The following DIAPH2 variants were observed in gnomAD, a reference collection of about 807,000 sequenced individuals.
The protein encoded by DIAPH2 is protein diaphanous homolog 2.
A neutral mutation model predicts 92.7 loss-of-function variants in DIAPH2; 35 were observed. The observed-to-expected ratio is 0.38, with a 90% CI of 0.29 to 0.50. DIAPH2 has a LOEUF of 0.50. DIAPH2 is among the 20% of genes least tolerant of loss of function. DIAPH2 has a pLI of 0.94. For missense variants in DIAPH2, 701 were observed against 819.5 expected, an observed-to-expected ratio of 0.86 and a Z score of 1.77; for synonymous variants, 301 against 280.4, an observed-to-expected ratio of 1.07 and a Z score of -0.73.
intron 22 of DIAPH2, among the ~76,000 whole-genome samples, chrX:97,172,172 A>G (rs1360059208): frequency 8.9e-6 from 1 of 112,010 alleles, no homozygotes; most frequent in African/African-American, 3.2e-5. Context: ...TTCTAGAATT[A>G]AGGAGTATTT....
intron 1 of DIAPH2, among the ~76,000 whole-genome samples, chrX:96,686,147 G>C (rs1378418539): frequency 8.9e-6 from 1 of 111,892 alleles, no homozygotes; most frequent in Non-Finnish European, 1.9e-5. Context: ...CAGATCCGAA[G>C]CACAAGCCAC....
chrX:97,583,564 C>G (rs996527366), intron 26 of DIAPH2, among the ~76,000 whole-genome samples: 6 of 112,370 alleles, frequency 5.3e-5, no homozygotes, highest in African/African-American at 1.9e-4. Flanking sequence ...GGGAGAACCA[C>G]TGCTTTCTTC....
intron 4 of DIAPH2, among the ~76,000 whole-genome samples, chrX:96,866,907 A>G: frequency 8.9e-6 from 1 of 112,360 alleles, no homozygotes; most frequent in Non-Finnish European, 1.9e-5. Context: ...AATGTGGACC[A>G]TGAAAAAGTA....
At chrX:97,195,070 G>A (rs1358776623) in intron 22 of DIAPH2, among the ~76,000 whole-genome samples, 1 of 111,790 alleles carries the variant, frequency 8.9e-6, no homozygotes, top group African/African-American at 3.2e-5. Flanking sequence ...GGATAGGGCT[G>A]GGCTTACTGA....
chrX:96,872,299 T>G (rs773809309), intron 4 of DIAPH2, among the ~76,000 whole-genome samples: 1 of 110,787 alleles, frequency 9.0e-6, no homozygotes, highest in South Asian at 3.9e-4. Flanking sequence ...TACTCTCTTA[T>G]CTCCATGAGT....
intron 17 of DIAPH2, among the ~76,000 whole-genome samples, chrX:97,031,151 T>C (rs1442317343): frequency 9.0e-6 from 1 of 110,925 alleles, no homozygotes; most frequent in Non-Finnish European, 1.9e-5. Context: ...GTGTGTTAGC[T>C]GAAGTCATAC....
In DIAPH2 at chrX:97,348,096, G is replaced by A. The variant is rs773632151; in HGVS notation, c.2845-20G>A. ...CCTTTAAAAGGTACTGTTGAGCCAT[G>A]TTCCTTAACAAAAAGCTACAGCTTT... On this transcript the variant is annotated intron_variant, in intron 23 of 26. Coordinates refer to ENST00000324765, the MANE Select transcript of DIAPH2 (RefSeq NM_006729.5). The A allele has an allele frequency of 1.4e-5, 17 of 1,206,273 alleles. No individual in the cohort carries two copies. Among genetic ancestry groups the A allele is most frequent in the Admixed American group, 4.4e-5 (2 of 45,478 alleles).
intron 4 of DIAPH2, among the ~76,000 whole-genome samples, chrX:96,875,853 G>T (rs1341407482): frequency 1.8e-5 from 2 of 111,350 alleles, no homozygotes; most frequent in Non-Finnish European, 3.8e-5. Context: ...ATAGGCATGG[G>T]CAAGGACTTC....
chrX:97,599,791 G>A lies in DIAPH2; in HGVS notation c.*474G>A, dbSNP rs907043530. 8.8e-6 allele frequency: 1 copy of A among 113,536 alleles called. No homozygotes were observed. Among genetic ancestry groups the A allele is most frequent in the African/African-American group, 3.2e-5 (1 of 30,934 alleles). 9.4% of individuals were successfully genotyped at this position (113,536 alleles called of 1,213,427 possible). ...AGAAAAATATGCATCTTGATTTGGAGAGAGGCTAATATTATGCACACTGTA... is the reference window on the plus strand; with the variant it reads ...AGAAAAATATGCATCTTGATTTGGAAAGAGGCTAATATTATGCACACTGTA... On this transcript the variant is annotated 3_prime_UTR_variant, in exon 27 of 27. Coordinates refer to ENST00000324765, the MANE Select transcript of DIAPH2 (RefSeq NM_006729.5).
At chrX:97,354,463 C>T (rs766448185) in intron 24 of DIAPH2, among the ~76,000 whole-genome samples, 14 of 111,387 alleles carry the variant, frequency 1.3e-4, no homozygotes, top group East Asian at 2.8e-4. Flanking sequence ...ACCTCCACCC[C>T]CTGGGTTCAA....
chrX:96,853,062 A>G (rs1357150849), intron 4 of DIAPH2, among the ~76,000 whole-genome samples: 1 of 111,597 alleles, frequency 9.0e-6, no homozygotes, highest in East Asian at 2.8e-4. Flanking sequence ...GATAATGAAA[A>G]TGGAGGAATC....
chrX:97,518,712 G>A (rs1043155476), intron 26 of DIAPH2, among the ~76,000 whole-genome samples: 10 of 110,876 alleles, frequency 9.0e-5, no homozygotes, highest in South Asian at 3.9e-4. Flanking sequence ...GTCCTTGAAT[G>A]AGCAGGGAAA....
At chrX:96,965,513 A>G (rs1160415426) in intron 17 of DIAPH2, among the ~76,000 whole-genome samples, 1 of 111,590 alleles carries the variant, frequency 9.0e-6, no homozygotes, top group Non-Finnish European at 1.9e-5. Context: ...AGCAGGGAAG[A>G]TGAATCCGTT....
At chrX:96,934,904 G>A (rs2065647153) in intron 10 of DIAPH2, among the ~76,000 whole-genome samples, 1 of 111,422 alleles carries the variant, frequency 9.0e-6, no homozygotes, top group Admixed American at 9.6e-5. Context: ...GGTAGGCAGT[G>A]GGCATACTTT....
At chrX:97,129,117 T>TTTTCTTTTCTTTTCTTTTCTTTTCTTTTC in intron 21 of DIAPH2, among the ~76,000 whole-genome samples, 3 of 80,142 alleles carry the variant, frequency 3.7e-5, no homozygotes, top group African/African-American at 1.7e-4. Context: ...TTTTCTTTTC[T>TTTTCTTTTCTTTTCTTTTCTTTTCTTTTC]TTTCTTTTCT....
chrX:97,232,087 C>T (rs2068013500), intron 22 of DIAPH2, among the ~76,000 whole-genome samples: 1 of 111,200 alleles, frequency 9.0e-6, no homozygotes, highest in African/African-American at 3.3e-5. Flanking sequence ...AAACATCAGA[C>T]TTTGTCATCA....
At chrX:96,923,651 G>A (rs2065561454) in intron 9 of DIAPH2, among the ~76,000 whole-genome samples, 1 of 111,283 alleles carries the variant, frequency 9.0e-6, no homozygotes, top group Non-Finnish European at 1.9e-5. Flanking sequence ...TTCCAGAATC[G>A]TACACTGGAA....
intron 17 of DIAPH2, among the ~76,000 whole-genome samples, chrX:96,980,655 C>T (rs769582563): frequency 4.5e-5 from 5 of 110,658 alleles, no homozygotes; most frequent in African/African-American, 1.6e-4. Context: ...AGTAGGAACT[C>T]ACCATCTTTA....
At chrX:97,507,166 A>AAAAAAAAAC (rs2070842387) in intron 26 of DIAPH2, among the ~76,000 whole-genome samples, 1 of 92,038 alleles carries the variant, frequency 1.1e-5, no homozygotes, top group African/African-American at 3.5e-5. Context: ...AAAAAAAAAA[A>AAAAAAAAAC]TCCCTACCTT....
Sources: allele counts gnomAD v4.1 joint callset (sites outside exome capture counted in the v4.1 genomes callset), GRCh38; gene constraint gnomAD v4.1.1; transcripts MANE v1.5; gene names NCBI Gene and HGNC (gene_info 2026-07-23, HGNC 2026-07-21).